Variants in PTP4A2 observed in about 807,000 individuals in gnomAD.
PTP4A2 encodes the protein protein tyrosine phosphatase 4A2, also known as protein tyrosine phosphatase type IVA 2.
Under a neutral mutation model 22.9 loss-of-function variants are expected in PTP4A2, and 2 were observed. That is an observed-to-expected ratio of 0.09 (90% CI 0.04 to 0.27). The LOEUF (loss-of-function observed/expected upper bound fraction) is 0.27. PTP4A2 is among the 10% of genes least tolerant of loss of function. PTP4A2 has a pLI of 1.00. For synonymous variants in PTP4A2, 68 were observed against 69.1 expected (o/e 0.98, Z 0.08); for missense variants, 103 against 205.1 (o/e 0.50, Z 3.04).
At chr1:31,920,071 A>G (rs1652058781) in intron 1 of PTP4A2, among the ~76,000 whole-genome samples, 1 of 141,852 alleles carries the variant, frequency 7.0e-6, no homozygotes, top group Non-Finnish European at 1.5e-5. Context: ...GGTTGTGATG[A>G]GCCAAGATGG....
chr1:31,914,958 C>T (rs1247434265), intron 3 of PTP4A2, among the ~76,000 whole-genome samples: 1 of 152,156 alleles, frequency 6.6e-6, no homozygotes, highest in Non-Finnish European at 1.5e-5. Flanking sequence ...ATGCCTTCTA[C>T]CTCTCCTCAT....
intron 1 of PTP4A2, among the ~76,000 whole-genome samples, chr1:31,934,489 G>A (rs1009428585): frequency 3.9e-5 from 6 of 152,034 alleles, no homozygotes; most frequent in African/African-American, 1.5e-4. Flanking sequence ...CGTTTTCTAG[G>A]CTTCAGTGGT....
chr1:31,936,590 C>G (rs1652942797), intron 1 of PTP4A2, among the ~76,000 whole-genome samples: 1 of 152,094 alleles, frequency 6.6e-6, no homozygotes, highest in South Asian at 2.1e-4. Flanking sequence ...TATCAAGGTA[C>G]TACTCTTCAA....
intron 3 of PTP4A2, among the ~76,000 whole-genome samples, chr1:31,913,329 T>A (rs74937639): frequency 1.3e-5 from 2 of 152,258 alleles, no homozygotes; most frequent in Non-Finnish European, 2.9e-5. Flanking sequence ...CCTTGTTTTT[T>A]CAAGTGTAAG....
rs1205098325 is a variant in PTP4A2 at position 31,908,136 on chromosome 1, TATA to T, written c.*713_*715del. On this transcript the variant is annotated 3_prime_UTR_variant, in exon 6 of 6. Coordinates refer to ENST00000647444, the MANE Select transcript of PTP4A2 (RefSeq NM_080391.4). ...AAAATATATATATATATATATATATTATATTATATATATATATATATATATATA... is the reference window on the plus strand; with the variant it reads ...AAAATATATATATATATATATATATTTTATATATATATATATATATATATA... The T allele has an allele frequency of 4.0e-3, 11 of 2,748 alleles. No individual in the cohort carries two copies. The highest frequency in any genetic ancestry group is 7.9e-3 in the Non-Finnish European group (8 of 1,008). 0.2% of individuals were successfully genotyped at this position (2,748 alleles called of 1,614,324 possible).
intron 3 of PTP4A2, 115 bp downstream of exon 3, chr1:31,915,780 T>C (rs1651798831): frequency 3.0e-6 from 2 of 668,270 alleles, no homozygotes; most frequent in African/African-American, 1.9e-5. Context: ...GTTCAAGTGA[T>C]CTTCCCACAA....
intron 1 of PTP4A2, among the ~76,000 whole-genome samples, chr1:31,937,092 G>A (rs879309570): frequency 1.3e-5 from 2 of 152,130 alleles, no homozygotes; most frequent in Admixed American, 1.3e-4. Flanking sequence ...CACTCTACAG[G>A]CCAGAGTGTA....
At chr1:31,922,601 T>TGTCTCCCTCCCTCCCTCCCTCC (rs1162245448) in intron 1 of PTP4A2, among the ~76,000 whole-genome samples, 1 of 99,642 alleles carries the variant, frequency 1.0e-5, no homozygotes, top group African/African-American at 6.2e-5. Context: ...TTTCTTTCTT[T>TGTCTCCCTCCCTCCCTCCCTCC]CTTTCTTTCT....
intron 1 of PTP4A2, among the ~76,000 whole-genome samples, chr1:31,920,036 G>A (rs1652056377): frequency 6.9e-6 from 1 of 144,280 alleles, no homozygotes; most frequent in African/African-American, 2.6e-5. Flanking sequence ...TGAGGCAGGA[G>A]AATCGCTTGA....
At chr1:31,936,472 T>G (rs1394818443) in intron 1 of PTP4A2, among the ~76,000 whole-genome samples, 3 of 152,090 alleles carry the variant, frequency 2.0e-5, no homozygotes, top group Non-Finnish European at 4.4e-5. Context: ...CCAACTTCTA[T>G]CGCTTCTCGG....
At chr1:31,928,696 CAAAAAAAAAAA>C (rs1162186046) in intron 1 of PTP4A2, among the ~76,000 whole-genome samples, 1 of 57,316 alleles carries the variant, frequency 1.7e-5, no homozygotes, top group Non-Finnish European at 3.7e-5. Flanking sequence ...AACTCTGTCT[CAAAAAAAAAAA>C]AAAAAAAAAA....
At chr1:31,928,509 G>A (rs552318199) in intron 1 of PTP4A2, among the ~76,000 whole-genome samples, 1 of 151,686 alleles carries the variant, frequency 6.6e-6, no homozygotes, top group East Asian at 1.9e-4. Flanking sequence ...AGACCAGCCT[G>A]GCCAACATGG....
chr1:31,909,869 G>A (rs900911477), intron 5 of PTP4A2, among the ~76,000 whole-genome samples, 169 bp downstream of exon 5: 2 of 152,136 alleles, frequency 1.3e-5, no homozygotes, highest in Non-Finnish European at 2.9e-5. Context: ...CTGGAAACCA[G>A]CTGTACTGAG....
chr1:31,918,180 G>C lies in PTP4A2; in HGVS notation c.96+790C>G, dbSNP rs376092997. Among the ~76,000 whole-genome samples, 332 of 151,728 alleles carry C rather than the reference G, an allele frequency of 2.2e-3. 1 individual carries two copies. The South Asian group carries it at 0.024, about 11-fold the overall frequency. Reference sequence around the variant, plus strand: ...AGGAGAATGGCGTGAACCCGGGAGGGGGAACTTGCAGTGAGCCGAGATAGT... The same window carrying C: ...AGGAGAATGGCGTGAACCCGGGAGGCGGAACTTGCAGTGAGCCGAGATAGT... On this transcript the variant is annotated intron_variant, in intron 2 of 5. Coordinates refer to ENST00000647444, the MANE Select transcript of PTP4A2 (RefSeq NM_080391.4).
At position 31,907,413 on chromosome 1, in the gene PTP4A2, C is replaced by A. The variant is rs1217660066; in HGVS notation, c.*1439G>T. 6.6e-6 allele frequency: 1 copy of A among 152,208 alleles called. No homozygotes were observed. Among genetic ancestry groups the A allele is most frequent in the Admixed American group, 6.5e-5 (1 of 15,280 alleles). 9.4% of individuals were successfully genotyped at this position (152,208 alleles called of 1,614,324 possible). On this transcript the variant is annotated 3_prime_UTR_variant, in exon 6 of 6. Coordinates refer to ENST00000647444, the MANE Select transcript of PTP4A2 (RefSeq NM_080391.4). The stretch of plus-strand genomic sequence containing the variant: ...AGCTTTTCTAGATCAGTACACTAAA[C>A]CCAGCCAAGAATCTGCAAAAATGCT...
rs2124292774 is a variant in PTP4A2, at chr1:31,938,214, T to G, written c.-821A>C. On this transcript the variant is annotated 5_prime_UTR_variant, in exon 1 of 6. Transcript: ENST00000647444. The surrounding 1 kb of genome is among the most constrained non-coding windows in gnomAD (Gnocchi z 4.4). Reference sequence around the variant, plus strand: ...CTGCTGCTGCGGCCGCCGCTGCGTCTCCTGCTGCCGCCGCTGCCTCCGCTG... The same window carrying G: ...CTGCTGCTGCGGCCGCCGCTGCGTCGCCTGCTGCCGCCGCTGCCTCCGCTG... The G allele has an allele frequency of 3.3e-5, 5 of 152,706 alleles. No homozygotes were observed. In the Admixed American group the frequency reaches 3.4e-4, roughly 10 times the overall value. The allele number at this position is 152,706 out of a possible 1,614,324, so 9.5% of individuals were successfully genotyped here. A position where few individuals can be genotyped will look rare whatever the true frequency, so the allele number is the denominator to read the frequency against.
intron 1 of PTP4A2, among the ~76,000 whole-genome samples, chr1:31,925,855 C>T (rs554256776): frequency 7.3e-4 from 110 of 151,458 alleles, no homozygotes; most frequent in African/African-American, 2.6e-3. Context: ...TTTTAAAATT[C>T]CTATCAATTG....
At chr1:31,916,707 A>T (rs1383818356) in intron 2 of PTP4A2, among the ~76,000 whole-genome samples, 1 of 152,238 alleles carries the variant, frequency 6.6e-6, no homozygotes, top group Non-Finnish European at 1.5e-5. Flanking sequence ...ATGATTAAAG[A>T]AGTATGGCAC....
chr1:31,910,203 A>G (rs2124138054), intron 4 of PTP4A2, 91 bp from the exon 5 acceptor site: 1 of 921,642 alleles, frequency 1.1e-6, no homozygotes, highest in South Asian at 1.4e-5. Flanking sequence ...AATGCAACGC[A>G]TGAGCTTTCT....
Sources: gnomAD v4.1 joint callset for allele counts (sites outside exome capture counted in the v4.1 genomes callset) on GRCh38, gnomAD v4.1.1 for gene constraint, Gnocchi (gnomAD v3.1) non-coding constraint, MANE v1.5 for transcripts, NCBI Gene and HGNC (gene_info 2026-07-23, HGNC 2026-07-21) for gene names.